The following NPAS3 variants were observed in gnomAD, a reference collection of about 807,000 sequenced individuals.
NPAS3 encodes neuronal PAS domain protein 3, also known as neuronal PAS domain-containing protein 3.
In NPAS3, 14 loss-of-function variants were observed where a neutral mutation model predicts 73.1. That is an observed-to-expected ratio of 0.19 (90% CI 0.13 to 0.30). The LOEUF is 0.30. Among genes scored for constraint, NPAS3 ranks in the 10% least tolerant of loss-of-function variants. The pLI is 1.00. For synonymous variants in NPAS3, 620 were observed against 541.5 expected, an observed-to-expected ratio of 1.14 and a Z score of -2.01; for missense variants, 1,096 against 1,250.0, an observed-to-expected ratio of 0.88 and a Z score of 1.86.
At chr14:33,400,288 T>A (rs1566868151) in intron 4 of NPAS3, among the ~76,000 whole-genome samples, 2 of 152,138 alleles carry the variant, frequency 1.3e-5, no homozygotes, top group Non-Finnish European at 2.9e-5. Context: ...GAAATAATAT[T>A]TGAATTCCAA....
Position 33,565,668 on chromosome 14 carries a change from G to A in NPAS3, c.558+5458G>A, listed in dbSNP as rs185431917. ...GCTTTCCTTGTAAGTTATTATTCTT[G>A]TTTGGCATCATGACATCCTAAAGAG... is the stretch of plus-strand genomic sequence containing the variant. On this transcript the variant is annotated intron_variant, in intron 5 of 11. Transcript: ENST00000356141. 6.6e-5 allele frequency among the ~76,000 whole-genome samples: 10 copies of A among 152,028 alleles called. No homozygotes were observed. In the East Asian group the frequency reaches 1.2e-3, roughly 18 times the overall value.
intron 1 of NPAS3, among the ~76,000 whole-genome samples, chr14:33,055,343 G>A (rs918464455): frequency 2.6e-5 from 4 of 152,276 alleles, no homozygotes; most frequent in South Asian, 2.1e-4. Context: ...CATCTAACCC[G>A]TGTTCCCGAC....
intron 4 of NPAS3, among the ~76,000 whole-genome samples, chr14:33,453,881 GGATTCA>G (rs1467329988): frequency 1.6e-4 from 24 of 152,104 alleles, no homozygotes; most frequent in Non-Finnish European, 2.8e-4. Flanking sequence ...GTAGAGATGG[GGATTCA>G]CCACGTTAGC....
At chr14:33,139,600 C>T (rs964022542) in intron 2 of NPAS3, among the ~76,000 whole-genome samples, 7 of 152,236 alleles carry the variant, frequency 4.6e-5, no homozygotes, top group African/African-American at 1.7e-4. Flanking sequence ...CTTTCTCCTC[C>T]TGACAATTTG....
intron 2 of NPAS3, among the ~76,000 whole-genome samples, chr14:33,100,683 C>A (rs2138883504): frequency 6.6e-6 from 1 of 152,236 alleles, no homozygotes; most frequent in African/African-American, 2.4e-5. Flanking sequence ...AGTGAAAGTT[C>A]TGGAACATAA....
intron 2 of NPAS3, among the ~76,000 whole-genome samples, chr14:33,166,931 C>T (rs916660148): frequency 1.3e-5 from 2 of 152,176 alleles, no homozygotes; most frequent in African/African-American, 4.8e-5. Context: ...AAAGGCACTG[C>T]TCTTTTCTTA....
intron 2 of NPAS3, among the ~76,000 whole-genome samples, chr14:33,183,302 T>C (rs2045862140): frequency 6.6e-6 from 1 of 151,890 alleles, no homozygotes; most frequent in South Asian, 2.1e-4. Flanking sequence ...GGTGGGCGCC[T>C]GTAATCCCAG....
chr14:33,529,158 C>A (rs1203149912), intron 4 of NPAS3, among the ~76,000 whole-genome samples: 3 of 152,006 alleles, frequency 2.0e-5, no homozygotes, highest in Non-Finnish European at 4.4e-5. Context: ...TCCTTTTTTG[C>A]TCTGGCCACC....
intron 5 of NPAS3, among the ~76,000 whole-genome samples, chr14:33,640,945 T>A (rs2058660229): frequency 6.6e-6 from 1 of 152,244 alleles, no homozygotes; most frequent in African/African-American, 2.4e-5. Flanking sequence ...AATATGTATG[T>A]GCAGAGAAAA....
intron 4 of NPAS3, among the ~76,000 whole-genome samples, chr14:33,373,213 T>C (rs1008857365): frequency 6.6e-6 from 1 of 152,238 alleles, no homozygotes. Flanking sequence ...TTCTTTCATT[T>C]TCTAAATAAT....
chr14:33,249,935 CA>C (rs1414936094), intron 3 of NPAS3, among the ~76,000 whole-genome samples: 26 of 151,986 alleles, frequency 1.7e-4, no homozygotes, highest in African/African-American at 6.3e-4. Flanking sequence ...CACACACACA[CA>C]CCCCTACATA....
intron 3 of NPAS3, among the ~76,000 whole-genome samples, chr14:33,352,039 G>T (rs182079925): frequency 6.8e-6 from 1 of 146,490 alleles, no homozygotes; most frequent in African/African-American, 2.6e-5. Context: ...AGAACTTAAC[G>T]TGTTAAAAAA....
At chr14:33,389,039 A>G (rs1039389416) in intron 4 of NPAS3, among the ~76,000 whole-genome samples, 3 of 152,100 alleles carry the variant, frequency 2.0e-5, no homozygotes, top group Non-Finnish European at 2.9e-5. Context: ...CAAGCTTTAC[A>G]GAGGCAATAA....
rs1177380054 is a variant in NPAS3 at position 33,159,203 on chromosome 14, A to T, written c.141-55979A>T. On this transcript the variant is annotated intron_variant, in intron 2 of 11. Coordinates refer to ENST00000356141, the Ensembl canonical transcript of NPAS3. ...ATAAAATTAAATTAAAAACCAAAATATTACTGTAATTCCCCATTTTATTTT... is the reference window on the plus strand; with the variant it reads ...ATAAAATTAAATTAAAAACCAAAATTTTACTGTAATTCCCCATTTTATTTT... Among the ~76,000 whole-genome samples, 3 of 152,258 alleles carry T rather than the reference A, an allele frequency of 2.0e-5. No individual in the cohort carries two copies. In the East Asian group the frequency reaches 5.8e-4, roughly 29 times the overall value.
At chr14:33,564,508 G>C (rs895548651) in intron 5 of NPAS3, among the ~76,000 whole-genome samples, 1 of 152,228 alleles carries the variant, frequency 6.6e-6, no homozygotes, top group Non-Finnish European at 1.5e-5. Flanking sequence ...TAGCTGTGCG[G>C]AAGACCATCG....
chr14:33,301,568 T>C (rs1261694396), intron 3 of NPAS3, among the ~76,000 whole-genome samples: 6 of 152,142 alleles, frequency 3.9e-5, no homozygotes, highest in African/African-American at 1.2e-4. Flanking sequence ...GTGGGTACTC[T>C]TGGCGAACTG....
intron 2 of NPAS3, among the ~76,000 whole-genome samples, chr14:33,097,226 TA>T (rs139080278): frequency 5.5e-4 from 81 of 148,464 alleles, no homozygotes; most frequent in Non-Finnish European, 8.7e-4. Context: ...AAAAAATTGG[TA>T]AAAAAAAAAG....
At chr14:33,626,167 A>G (rs2058212682) in intron 5 of NPAS3, among the ~76,000 whole-genome samples, 1 of 152,156 alleles carries the variant, frequency 6.6e-6, no homozygotes, top group Non-Finnish European at 1.5e-5. Context: ...ATGCTGAGAG[A>G]GACAAAGGGA....
At chr14:33,215,805 G>T (rs1364097531) in intron 3 of NPAS3, among the ~76,000 whole-genome samples, 1 of 152,144 alleles carries the variant, frequency 6.6e-6, no homozygotes, top group Non-Finnish European at 1.5e-5. Flanking sequence ...TCTGCCTTAA[G>T]TAACCAAAGA....
Sources: gnomAD v4.1 joint callset for allele counts (sites outside exome capture counted in the v4.1 genomes callset) on GRCh38, gnomAD v4.1.1 for gene constraint, MANE v1.5 for transcripts, NCBI Gene and HGNC (gene_info 2026-07-23, HGNC 2026-07-21) for gene names.